EARS2: variants seen among roughly 807,000 people sequenced by gnomAD.
EARS2 encodes nondiscriminating glutamyl-tRNA synthetase EARS2, mitochondrial.
In EARS2, 50 loss-of-function variants were observed where a neutral mutation model predicts 54.1. The observed-to-expected ratio is 0.92, with a 90% CI of 0.74 to 1.17. The LOEUF is 1.17. EARS2 is among the 50% of genes most tolerant of loss of function. The pLI, the probability that EARS2 is intolerant of heterozygous loss-of-function variation, is 0.00. For synonymous variants in EARS2, 298 were observed against 281.0 expected (o/e 1.06, Z -0.61); for missense variants, 673 against 675.0 (o/e 1.00, Z 0.03).
In EARS2 at chr16:23,553,769, G is replaced by A. The variant is rs1206417038; in HGVS notation, c.140-1465C>T. Reference sequence around the variant, plus strand: ...AAATTAGCTGGGCATGGTGGTGGGCGCCTGTAATCCCAGCTACTTGGGAGG... The same window carrying A: ...AAATTAGCTGGGCATGGTGGTGGGCACCTGTAATCCCAGCTACTTGGGAGG... On this transcript the variant is annotated intron_variant, in intron 1 of 8. Coordinates refer to ENST00000449606, the MANE Select transcript of EARS2 (RefSeq NM_001083614.2). 1.1e-4 allele frequency among the ~76,000 whole-genome samples: 17 copies of A among 152,002 alleles called. 1 individual carries two copies. Among genetic ancestry groups the A allele is most frequent in the Middle Eastern group, 6.8e-3 (2 of 294 alleles).
Position 23,525,226 on chromosome 16 carries a change from C to T in EARS2, c.1488+18G>A. ...TGAGGGGCTCCAGGGAACAATCCAA[C>T]CCGTGTCCCTGCCTCACCTGCTGTC... On this transcript the variant is annotated intron_variant, in intron 8 of 8. Coordinates refer to ENST00000449606, the MANE Select transcript of EARS2 (RefSeq NM_001083614.2). The T allele has an allele frequency of 2.5e-6, 4 of 1,614,138 alleles. No homozygotes were observed. The highest frequency in any genetic ancestry group is 2.2e-5 in the South Asian group (2 of 91,082).
intron 3 of EARS2, among the ~76,000 whole-genome samples, chr16:23,544,284 T>C (rs1047279556): frequency 2.0e-5 from 3 of 152,154 alleles, no homozygotes; most frequent in Non-Finnish European, 4.4e-5. Flanking sequence ...GAGATGGAAG[T>C]AGATCTTCCC....
At position 23,544,416 on chromosome 16, in the gene EARS2, T is replaced by C. The variant is rs947561470; in HGVS notation, c.485+98A>G. The C allele has an allele frequency of 6.5e-6, 8 of 1,237,408 alleles. No homozygotes were observed. In the African/African-American group the frequency reaches 1.2e-4, roughly 19 times the overall value. 76.7% of individuals were successfully genotyped at this position (1,237,408 alleles called of 1,614,324 possible). A position where few individuals can be genotyped will look rare whatever the true frequency, so the allele number is the denominator to read the frequency against. ...GCTCAGATGCCTGACCCACAGAAAC[T>C]GAGAGGTAATACATGTTTAGGGGAA... On this transcript the variant is annotated intron_variant, in intron 3 of 8. Transcript: ENST00000449606.
rs182467220 is a variant in EARS2 at position 23,547,661 on chromosome 16, C to T, written c.296-2958G>A. 6.4e-4 allele frequency among the ~76,000 whole-genome samples: 98 copies of T among 152,192 alleles called. 1 individual carries two copies. The highest frequency in any genetic ancestry group is 2.2e-3 in the African/African-American group (93 of 41,530). On this transcript the variant is annotated intron_variant, in intron 2 of 8. Coordinates refer to ENST00000449606, the MANE Select transcript of EARS2 (RefSeq NM_001083614.2). ...CTGGGATTACAAGCATGTGCCACCA[C>T]GCCCAACTAATTTTTGTATTTTTAT...
chr16:23,536,061 G>A (rs2142173076), intron 3 of EARS2, among the ~76,000 whole-genome samples: 1 of 152,280 alleles, frequency 6.6e-6, no homozygotes, highest in Middle Eastern at 3.4e-3. Flanking sequence ...CTGAAAGTGT[G>A]GTCTGTGGGC....
chr16:23,546,965 T>C (rs921003569), intron 2 of EARS2, among the ~76,000 whole-genome samples: 14 of 152,212 alleles, frequency 9.2e-5, no homozygotes, highest in Non-Finnish European at 1.5e-5. Flanking sequence ...CTTCCTGATC[T>C]AATGCTAAAC....
chr16:23,530,155 T>C (rs2142165393), intron 5 of EARS2, among the ~76,000 whole-genome samples: 1 of 152,316 alleles, frequency 6.6e-6, no homozygotes, highest in African/African-American at 2.4e-5. Context: ...TTTGAGAGTC[T>C]TGCTCTGTTG....
intron 3 of EARS2, among the ~76,000 whole-genome samples, chr16:23,538,237 T>C (rs1434200563): frequency 6.6e-6 from 1 of 152,104 alleles, no homozygotes; most frequent in South Asian, 2.1e-4. Flanking sequence ...AGCGGCGTGA[T>C]CTTGGCTCAC....
intron 2 of EARS2, among the ~76,000 whole-genome samples, chr16:23,547,947 A>G (rs1200287430): frequency 2.6e-5 from 4 of 151,944 alleles, no homozygotes; most frequent in East Asian, 3.9e-4. Flanking sequence ...AATAATAATA[A>G]TAGCCAGGCG....
At position 23,532,685 on chromosome 16, in the gene EARS2, C is replaced by T; in HGVS notation, c.1039G>A (p.Asp347Asn). 2.5e-6 allele frequency: 4 copies of T among 1,614,024 alleles called. No homozygotes were observed. In the South Asian group the frequency reaches 4.4e-5, roughly 18 times the overall value. The change falls in exon 5 of 9, where the codon GAC (aspartate) becomes AAC (asparagine). Residue 347 changes from aspartate to asparagine, a missense_variant. Asp to Asn is a conservative substitution (Grantham distance 23, BLOSUM62 1). Transcript: ENST00000449606. ...TQVTCHSALL[D>N]LEKLPEFNRL... Reference sequence around the variant, plus strand: ...TTGAATTCTGGGAGCTTCTCCAGGTCCAGCAGGGCTGAGTGACAGGTGACC... The same window carrying T: ...TTGAATTCTGGGAGCTTCTCCAGGTTCAGCAGGGCTGAGTGACAGGTGACC...
intron 2 of EARS2, 94 bp downstream of exon 2, chr16:23,552,055 T>A: frequency 6.7e-7 from 1 of 1,487,986 alleles, no homozygotes; most frequent in Non-Finnish European, 9.1e-7. Context: ...GAACTCCCCA[T>A]TTTCCACTCA....
rs1965413112 is a variant in EARS2 at position 23,536,094 on chromosome 16, GT to G, written c.486-735del. Among the ~76,000 whole-genome samples the G allele has an allele frequency of 4.6e-5, 7 of 152,302 alleles. No homozygotes were observed. In the South Asian group the frequency reaches 1.2e-3, roughly 27 times the overall value. ...GGCCCCTAGCATCAGCCTCTTGGGA[GT>G]CTGCCAGAAATGCAGACTCTTAGGC... On this transcript the variant is annotated intron_variant, in intron 3 of 8. Coordinates refer to ENST00000449606, the MANE Select transcript of EARS2 (RefSeq NM_001083614.2).
chr16:23,550,197 C>T (rs974226404), intron 2 of EARS2, among the ~76,000 whole-genome samples: 2 of 151,840 alleles, frequency 1.3e-5, no homozygotes, highest in African/African-American at 2.4e-5. Context: ...CCTACCTCTA[C>T]AAAAACATAA....
At chr16:23,546,703 A>G (rs1027668109) in intron 2 of EARS2, among the ~76,000 whole-genome samples, 2 of 152,174 alleles carry the variant, frequency 1.3e-5, no homozygotes, top group Non-Finnish European at 2.9e-5. Flanking sequence ...CTACAGGTAC[A>G]TGCCACCAGG....
intron 3 of EARS2, among the ~76,000 whole-genome samples, chr16:23,538,202 C>T (rs572826189): frequency 1.3e-5 from 2 of 152,194 alleles, no homozygotes; most frequent in African/African-American, 2.4e-5. Context: ...GATGGAGTCT[C>T]GCTCTGTCAC....
At chr16:23,528,793 A>G (rs1262538776) in intron 7 of EARS2, among the ~76,000 whole-genome samples, 2 of 152,202 alleles carry the variant, frequency 1.3e-5, no homozygotes, top group Non-Finnish European at 2.9e-5. Context: ...CCCAGTTTCT[A>G]AAGAGGCTGA....
chr16:23,523,632 C>T lies in EARS2; in HGVS notation c.*739G>A, dbSNP rs911807908. The T allele has an allele frequency of 3.3e-5, 5 of 152,246 alleles. No homozygotes were observed. Among genetic ancestry groups the T allele is most frequent in the Non-Finnish European group, 7.3e-5 (5 of 68,102 alleles). 9.4% of individuals were successfully genotyped at this position (152,246 alleles called of 1,614,324 possible). A position where few individuals can be genotyped will look rare whatever the true frequency, so the allele number is the denominator to read the frequency against. ...AGTCCTTGGGGCCTGAGAACTGGGA[C>T]CCATGAGTCCTGCTGCCCAGCTGCT... On this transcript the variant is annotated 3_prime_UTR_variant, in exon 9 of 9. Coordinates refer to ENST00000449606, the MANE Select transcript of EARS2 (RefSeq NM_001083614.2).
At chr16:23,557,172 C>T (rs1965810621) in intron 1 of EARS2, 33 bp downstream of exon 1, 1 of 1,504,586 alleles carries the variant, frequency 6.6e-7, no homozygotes, top group Admixed American at 2.3e-5. Flanking sequence ...GACAGGGGGC[C>T]TCGGCCTGTA....
At position 23,520,993 on chromosome 16, in the gene EARS2, T is replaced by C. The variant is rs965108507; in HGVS notation, c.*3378A>G. On this transcript the variant is annotated 3_prime_UTR_variant, in exon 9 of 9. Coordinates refer to ENST00000449606, the MANE Select transcript of EARS2 (RefSeq NM_001083614.2). ...TTTTAGTAGAGATGGGGTTTCACCA[T>C]GTTGGCCAGGCTGGTCTTGAACTCC... is the stretch of plus-strand genomic sequence containing the variant. Among the ~76,000 whole-genome samples, 3 of 152,146 alleles carry C rather than the reference T, an allele frequency of 2.0e-5. No individual in the cohort carries two copies. Among genetic ancestry groups the C allele is most frequent in the African/African-American group, 7.2e-5 (3 of 41,442 alleles).
Sources: allele counts gnomAD v4.1 joint callset (sites outside exome capture counted in the v4.1 genomes callset), GRCh38; gene constraint gnomAD v4.1.1; transcripts MANE v1.5; gene names NCBI Gene and HGNC (gene_info 2026-07-23, HGNC 2026-07-21).